SLC17A5: variants seen among roughly 807,000 people sequenced by gnomAD.
SLC17A5 encodes sialin.
SLC17A5 carries 47 observed loss-of-function variants against 59.4 expected under a neutral mutation model. The observed-to-expected ratio is 0.79, with a 90% CI of 0.63 to 1.01. The LOEUF (loss-of-function observed/expected upper bound fraction) is 1.01. SLC17A5 is among the 50% of genes least tolerant of loss of function. The pLI is 0.00. For synonymous variants in SLC17A5, 202 were observed against 210.7 expected (o/e 0.96, Z 0.36); for missense variants, 522 against 595.5 (o/e 0.88, Z 1.28).
chr6:73,627,310 C>T (rs1023460829), intron 6 of SLC17A5, among the ~76,000 whole-genome samples: 2 of 151,816 alleles, frequency 1.3e-5, no homozygotes, highest in Admixed American at 6.6e-5. Context: ...CTGTTGACCT[C>T]GTGATCTGCG....
chr6:73,615,880 C>CTTTTTTGTTT (rs1561990017), intron 7 of SLC17A5, among the ~76,000 whole-genome samples: 2 of 97,600 alleles, frequency 2.0e-5, no homozygotes, highest in Non-Finnish European at 4.2e-5. Flanking sequence ...ATGAATCATT[C>CTTTTTTGTTT]TTTTTTTTTT....
At chr6:73,640,108 A>G (rs1769211660) in intron 3 of SLC17A5, among the ~76,000 whole-genome samples, 1 of 152,224 alleles carries the variant, frequency 6.6e-6, no homozygotes, top group South Asian at 2.1e-4. Flanking sequence ...CAGTGGTAAT[A>G]TGATCAATAT....
chr6:73,611,223 G>A (rs1767625538), intron 8 of SLC17A5, among the ~76,000 whole-genome samples: 1 of 152,114 alleles, frequency 6.6e-6, no homozygotes, highest in African/African-American at 2.4e-5. Flanking sequence ...CTCCAGCCTG[G>A]GTTGTCAGAG....
intron 9 of SLC17A5, among the ~76,000 whole-genome samples, chr6:73,605,854 G>A (rs1011011000): frequency 6.6e-6 from 1 of 151,668 alleles, no homozygotes; most frequent in Non-Finnish European, 1.5e-5. Flanking sequence ...GCACATGCCT[G>A]TAATCCCAGC....
At chr6:73,623,475 C>T (rs1360436410) in intron 6 of SLC17A5, among the ~76,000 whole-genome samples, 3 of 151,904 alleles carry the variant, frequency 2.0e-5, no homozygotes, top group South Asian at 2.1e-4. Context: ...GCTGGGATTA[C>T]AGGTGTGCAC....
At chr6:73,636,283 GA>G (rs58330140) in intron 5 of SLC17A5, among the ~76,000 whole-genome samples, 9,432 of 95,574 alleles carry the variant, frequency 0.099, 438 homozygotes, top group Admixed American at 0.23. Flanking sequence ...TAAGTAAAAA[GA>G]AAAAAAAAAA....
chr6:73,606,384 C>A (rs1741895), intron 9 of SLC17A5, among the ~76,000 whole-genome samples: 16,360 of 152,180 alleles, frequency 0.11, 1,061 homozygotes, highest in Middle Eastern at 0.18. Context: ...AGCTGAGAAC[C>A]AGTACAGCAG....
At chr6:73,625,342 AC>A (rs1005970079) in intron 6 of SLC17A5, among the ~76,000 whole-genome samples, 2 of 150,288 alleles carry the variant, frequency 1.3e-5, no homozygotes, top group African/African-American at 2.4e-5. Context: ...ACCCGCCACC[AC>A]CCCTGGCTGA....
rs769647387 is a variant in SLC17A5, at chr6:73,621,935, C to A, written c.847G>T (p.Val283Leu). ...QLSSQKSVPW[V>L]PILKSLPLWA... Reference sequence around the variant, plus strand: ...AGTGGCAGGGATTTTAAAATGGGTACCCACGGCACTGACTTCTGTGAAGAA... The same window carrying A: ...AGTGGCAGGGATTTTAAAATGGGTAACCACGGCACTGACTTCTGTGAAGAA... The change falls in exon 7 of 11, where the codon GTA becomes TTA. Residue 283 changes from valine to leucine, a missense_variant. Val to Leu is a conservative substitution (Grantham distance 32). Transcript: ENST00000355773. 6.2e-7 allele frequency: 1 copy of A among 1,613,928 alleles called. No homozygotes were observed. The highest frequency in any genetic ancestry group is 2.2e-5 in the East Asian group (1 of 44,838).
At chr6:73,623,019 T>C (rs1031201868) in intron 6 of SLC17A5, among the ~76,000 whole-genome samples, 1 of 152,150 alleles carries the variant, frequency 6.6e-6, no homozygotes, top group African/African-American at 2.4e-5. Flanking sequence ...CAGAGTATTA[T>C]AGCATATTGC....
intron 1 of SLC17A5, among the ~76,000 whole-genome samples, chr6:73,648,606 C>T (rs1021389448): frequency 6.6e-6 from 1 of 152,164 alleles, no homozygotes; most frequent in Non-Finnish European, 1.5e-5. Context: ...TGAAATACTG[C>T]AAGACATTAT....
rs1436702718 is a variant in SLC17A5 at position 73,593,470 on chromosome 6, A to G, written c.*1607T>C. 2.0e-5 allele frequency: 3 copies of G among 152,276 alleles called. No individual in the cohort carries two copies. Among genetic ancestry groups the G allele is most frequent in the African/African-American group, 7.2e-5 (3 of 41,468 alleles). 9.4% of individuals were successfully genotyped at this position (152,276 alleles called of 1,614,324 possible). A position where few individuals can be genotyped will look rare whatever the true frequency, so the allele number is the denominator to read the frequency against. On this transcript the variant is annotated 3_prime_UTR_variant, in exon 11 of 11. Coordinates refer to ENST00000355773, the MANE Select transcript of SLC17A5 (RefSeq NM_012434.5). ...TACAAATTTAAAAATAAATGTACAT[A>G]AATGTATTCACATCACATTAAACAG...
intron 8 of SLC17A5, among the ~76,000 whole-genome samples, chr6:73,614,058 G>A (rs909471033): frequency 1.3e-5 from 2 of 152,204 alleles, no homozygotes; most frequent in Non-Finnish European, 2.9e-5. Context: ...TTGAGTTCAG[G>A]AGTTAAAGAC....
intron 1 of SLC17A5, among the ~76,000 whole-genome samples, chr6:73,650,881 T>C (rs184786063): frequency 1.3e-5 from 2 of 152,294 alleles, no homozygotes; most frequent in Non-Finnish European, 1.5e-5. Context: ...AGAATTAGCA[T>C]GCTGACACAA....
intron 10 of SLC17A5, 31 bp downstream of exon 10, chr6:73,600,320 T>C: frequency 1.3e-6 from 2 of 1,523,950 alleles, no homozygotes; most frequent in Non-Finnish European, 1.8e-6. Context: ...CTCCAAAACC[T>C]TTCCAGTTTA....
intron 8 of SLC17A5, 128 bp downstream of exon 8, chr6:73,615,187 G>GTGTT: frequency 9.6e-7 from 1 of 1,042,414 alleles, no homozygotes; most frequent in Non-Finnish European, 1.5e-6. Context: ...TTAGAGCGAG[G>GTGTT]TGTTCTGTGT....
intron 7 of SLC17A5, among the ~76,000 whole-genome samples, chr6:73,617,049 G>A (rs1767905197): frequency 6.6e-6 from 1 of 151,984 alleles, no homozygotes; most frequent in African/African-American, 2.4e-5. Context: ...CCAGCACTTT[G>A]GGAGGCCGCG....
Position 73,645,426 on chromosome 6 carries a change from C to A in SLC17A5, c.95-823G>T, listed in dbSNP as rs542323536. 8 of 985,230 alleles carry A rather than the reference C, an allele frequency of 8.1e-6. No individual in the cohort carries two copies. The East Asian group carries it at 9.1e-4, about 112-fold the overall frequency. The allele number at this position is 985,230 out of a possible 1,614,324, so 61.0% of individuals were successfully genotyped here. On this transcript the variant is annotated intron_variant, in intron 1 of 10. Coordinates refer to ENST00000355773, the MANE Select transcript of SLC17A5 (RefSeq NM_012434.5). ...ACAGTTGCAGCATCTGTGACAGTTG[C>A]TCAGTAGTTATCAAGCGTAAAGGGC... is the stretch of plus-strand genomic sequence containing the variant.
intron 7 of SLC17A5, among the ~76,000 whole-genome samples, chr6:73,616,307 T>A (rs1326150065): frequency 6.6e-6 from 1 of 152,142 alleles, no homozygotes; most frequent in Non-Finnish European, 1.5e-5. Flanking sequence ...AGCATTAACC[T>A]CGTTTTGGTG....
Sources: allele counts gnomAD v4.1 joint callset (sites outside exome capture counted in the v4.1 genomes callset), GRCh38; gene constraint gnomAD v4.1.1; transcripts MANE v1.5; gene names NCBI Gene and HGNC (gene_info 2026-07-23, HGNC 2026-07-21).